Variants in PFKL observed in about 807,000 individuals in gnomAD.
PFKL encodes ATP-dependent 6-phosphofructokinase, liver type.
In PFKL, 74 loss-of-function variants were observed where a neutral mutation model predicts 92.1. The ratio of observed to expected loss-of-function variants is 0.80; its 90% CI spans 0.67 to 0.97. PFKL has a LOEUF of 0.97. Among genes scored for constraint, PFKL ranks in the 50% least tolerant of loss-of-function variants. PFKL has a pLI of 0.00. For synonymous variants in PFKL, 494 were observed against 456.4 expected (o/e 1.08, Z -1.05); for missense variants, 1,028 against 1,116.6 (o/e 0.92, Z 1.13).
chr21:44,319,883 G>A (rs1279071480), intron 11 of PFKL: 11 of 556,472 alleles, frequency 2.0e-5, no homozygotes, highest in Non-Finnish European at 3.2e-5. Flanking sequence ...ACGGGCTGGC[G>A]TGGCCTCGTG....
chr21:44,316,096 C>G, intron 7 of PFKL, 148 bp from the exon 8 acceptor site: 1 of 705,578 alleles, frequency 1.4e-6, no homozygotes, highest in Non-Finnish European at 2.5e-6. Flanking sequence ...GCGCTCCAGG[C>G]CTGCTTTCCT....
At chr21:44,319,498 C>T (rs758827782) in intron 11 of PFKL, 83 bp downstream of exon 11, 100 of 1,185,464 alleles carry the variant, frequency 8.4e-5, no homozygotes, top group Non-Finnish European at 1.2e-4. Flanking sequence ...GCGCTATGCA[C>T]GCCTGGCCTG....
intron 21 of PFKL, 101 bp downstream of exon 21, chr21:44,326,365 C>T (rs946435398): frequency 3.5e-6 from 3 of 860,106 alleles, no homozygotes; most frequent in Non-Finnish European, 3.7e-6. Flanking sequence ...GGCACCCTGA[C>T]CCCGCAAGGC....
At chr21:44,307,756 G>A (rs2040995626) in intron 2 of PFKL, among the ~76,000 whole-genome samples, 1 of 151,980 alleles carries the variant, frequency 6.6e-6, no homozygotes, top group Non-Finnish European at 1.5e-5. Flanking sequence ...TTAGGAAGCA[G>A]GTCTCAGAGC....
chr21:44,319,418 A>T lies in PFKL; in HGVS notation c.1127+3A>T, dbSNP rs1568963219. The T allele has an allele frequency of 6.2e-7, 1 of 1,611,772 alleles. No homozygotes were observed. The highest frequency in any genetic ancestry group is 8.5e-7 in the Non-Finnish European group (1 of 1,178,262). On this transcript the variant is annotated splice_donor_region_variant and intron_variant, in intron 11 of 21. Coordinates refer to ENST00000349048, the MANE Select transcript of PFKL (RefSeq NM_002626.6). The stretch of plus-strand genomic sequence containing the variant: ...GAGGCCACCCAGCTCCGTGGTGGGT[A>T]AGCCCCCTCAGCAGACCCCTGCACT...
intron 7 of PFKL, chr21:44,314,285 A>G: frequency 2.1e-6 from 1 of 477,786 alleles, no homozygotes; most frequent in African/African-American, 2.0e-5. Context: ...CCCCGTGGTC[A>G]GTGTGGGGAG....
chr21:44,321,801 G>T lies in PFKL; in HGVS notation c.1264G>T (p.Val422Leu). 1 of 1,602,444 alleles carries T rather than the reference G, an allele frequency of 6.2e-7. No individual in the cohort carries two copies. Among genetic ancestry groups the T allele is most frequent in the East Asian group, 2.3e-5 (1 of 44,364 alleles). ...CATGAATGCGGCCGTGCGCTCGGCG[G>T]TGCGGACCGGCATCTCCCATGGACA... The part of the protein sequence containing the change: ...AGMNAAVRSA[V>L]RTGISHGHTV... The change falls in exon 13 of 22, where the codon GTG becomes TTG. Residue 422 changes from valine (V) to leucine (L), a missense_variant. By Grantham distance (32) the Val-to-Leu change is conservative (BLOSUM62 1). Coordinates refer to ENST00000349048, the MANE Select transcript of PFKL (RefSeq NM_002626.6).
intron 1 of PFKL, among the ~76,000 whole-genome samples, chr21:44,301,026 C>T (rs2040760428): frequency 6.6e-6 from 1 of 152,202 alleles, no homozygotes; most frequent in Non-Finnish European, 1.5e-5. Context: ...GGAAGGGGCC[C>T]AGCCAGCACC....
chr21:44,318,898 C>T (rs1019719358), intron 10 of PFKL, among the ~76,000 whole-genome samples: 9 of 152,108 alleles, frequency 5.9e-5, no homozygotes, highest in Admixed American at 4.6e-4. Context: ...GTTGGGGTTA[C>T]GATGGGACGG....
chr21:44,312,350 C>A, intron 4 of PFKL, 56 bp downstream of exon 4: 1 of 1,456,392 alleles, frequency 6.9e-7, no homozygotes, highest in Non-Finnish European at 9.2e-7. Flanking sequence ...CCGCTGCTGC[C>A]AGGCGTGGGA....
chr21:44,323,333 G>A (rs1174529535), intron 15 of PFKL, among the ~76,000 whole-genome samples: 1 of 152,190 alleles, frequency 6.6e-6, no homozygotes, highest in African/African-American at 2.4e-5. Context: ...CCCCAGTGCT[G>A]GGGAGGGGCA....
At position 44,318,543 on chromosome 21, in the gene PFKL, C is replaced by T; in HGVS notation, c.1010C>T (p.Thr337Ile). The T allele has an allele frequency of 6.3e-7, 1 of 1,578,346 alleles. No homozygotes were observed. The highest frequency in any genetic ancestry group is 8.6e-7 in the Non-Finnish European group (1 of 1,156,600). Reference sequence around the variant, plus strand: ...CCTGACACGCCGGCCTGCGTGGTCACCCTCTCGGGGAACCAGTCAGTGCGG... The same window carrying T: ...CCTGACACGCCGGCCTGCGTGGTCATCCTCTCGGGGAACCAGTCAGTGCGG... ...ATPDTPACVV[T>I]LSGNQSVRLP... The change falls in exon 10 of 22, where the codon ACC becomes ATC. Residue 337 changes from threonine to isoleucine, a missense_variant. By Grantham distance (89) the Thr-to-Ile change is moderately conservative. Transcript: ENST00000349048.
chr21:44,311,305 C>T (rs1322132373), intron 3 of PFKL, among the ~76,000 whole-genome samples: 2 of 149,608 alleles, frequency 1.3e-5, no homozygotes, highest in African/African-American at 2.5e-5. Context: ...CGCACAGACA[C>T]AGACACGTGC....
At chr21:44,304,619 GC>G (rs35664594) in intron 1 of PFKL, among the ~76,000 whole-genome samples, 58,390 of 151,116 alleles carry the variant, frequency 0.39, 11,885 homozygotes, top group East Asian at 0.59. Context: ...TGGACGCCCA[GC>G]CTCAGGCAGC....
chr21:44,300,732 CCGGGGCATTGAGCA>C (rs1376033328), intron 1 of PFKL, among the ~76,000 whole-genome samples: 1 of 67,436 alleles, frequency 1.5e-5, no homozygotes, highest in Non-Finnish European at 2.6e-5. Flanking sequence ...GATGGGCTGC[CCGGGGCATTGAGCA>C]AAGCCCAGTT....
At chr21:44,307,523 C>G (rs1049760998) in intron 2 of PFKL, among the ~76,000 whole-genome samples, 1 of 152,078 alleles carries the variant, frequency 6.6e-6, no homozygotes, top group African/African-American at 2.4e-5. Context: ...ATGTAGCAAC[C>G]CCAGCTCTGC....
intron 9 of PFKL, among the ~76,000 whole-genome samples, 180 bp downstream of exon 9, chr21:44,316,704 C>G (rs886098140): frequency 1.3e-5 from 2 of 151,386 alleles, no homozygotes; most frequent in Admixed American, 6.6e-5. Context: ...GTGGGTGTGT[C>G]TGTGTGTGTC....
rs1376318175 is a variant in PFKL, at chr21:44,313,690, G to A, written c.638+8G>A. On this transcript the variant is annotated splice_region_variant and intron_variant, in intron 6 of 21. Coordinates refer to ENST00000349048, the MANE Select transcript of PFKL (RefSeq NM_002626.6). Reference sequence around the variant, plus strand: ...GATGGGCCGGCACTGCGGGTGAGGAGGGGCTTCCTGGCCCGCTGGGTGGCC... The same window carrying A: ...GATGGGCCGGCACTGCGGGTGAGGAAGGGCTTCCTGGCCCGCTGGGTGGCC... 6.2e-7 allele frequency: 1 copy of A among 1,610,284 alleles called. No homozygotes were observed.
chr21:44,319,202 C>G, intron 10 of PFKL, 149 bp from the exon 11 acceptor site: 1 of 668,512 alleles, frequency 1.5e-6, no homozygotes, highest in South Asian at 1.7e-5. Context: ...TGGTGGTGAC[C>G]GCTGTTCCTA....
Sources: gnomAD v4.1 joint callset for allele counts (sites outside exome capture counted in the v4.1 genomes callset) on GRCh38, gnomAD v4.1.1 for gene constraint, MANE v1.5 for transcripts, NCBI Gene and HGNC (gene_info 2026-07-23, HGNC 2026-07-21) for gene names.